The following MGMT variants were observed in gnomAD, a reference collection of about 807,000 sequenced individuals.
The protein encoded by MGMT is O-6-methylguanine-DNA methyltransferase, also known as methylated-DNA--protein-cysteine methyltransferase.
A neutral mutation model predicts 15.9 loss-of-function variants in MGMT; 14 were observed. That is an observed-to-expected ratio of 0.88 (90% confidence interval 0.58 to 1.37). MGMT has a LOEUF of 1.37. MGMT is among the 40% of genes most tolerant of loss of function. MGMT has a pLI of 0.00. For missense variants in MGMT, 282 were observed against 268.1 expected (o/e 1.05, Z -0.36); for synonymous variants, 130 against 118.2 (o/e 1.10, Z -0.65).
chr10:129,538,486 G>A (rs903273297), intron 2 of MGMT, among the ~76,000 whole-genome samples: 1 of 152,204 alleles, frequency 6.6e-6, no homozygotes, highest in Non-Finnish European at 1.5e-5. Context: ...ACTTGGTGGT[G>A]TCAGTTTTTC....
chr10:129,603,341 A>G (rs1324343029), intron 2 of MGMT, among the ~76,000 whole-genome samples: 2 of 152,248 alleles, frequency 1.3e-5, no homozygotes, highest in African/African-American at 4.8e-5. Context: ...ATGATTAGCA[A>G]GTGAGATTCC....
intron 2 of MGMT, among the ~76,000 whole-genome samples, chr10:129,627,327 G>A (rs1297395247): frequency 6.6e-6 from 1 of 152,090 alleles, no homozygotes; most frequent in Non-Finnish European, 1.5e-5. Flanking sequence ...GAGAGACTAG[G>A]ATTTCTGGAA....
intron 1 of MGMT, among the ~76,000 whole-genome samples, chr10:129,525,622 C>A (rs765264876): frequency 6.6e-6 from 1 of 152,064 alleles, no homozygotes; most frequent in Admixed American, 6.5e-5. Context: ...AGGTGCTGTG[C>A]GGTGCGGGGC....
chr10:129,636,875 A>G (rs1238645041), intron 2 of MGMT, among the ~76,000 whole-genome samples: 5 of 152,258 alleles, frequency 3.3e-5, no homozygotes, highest in Non-Finnish European at 7.3e-5. Context: ...TTTAGATTTT[A>G]AACTCATTAA....
chr10:129,570,153 T>G (rs558031386), intron 2 of MGMT, among the ~76,000 whole-genome samples: 10 of 152,372 alleles, frequency 6.6e-5, no homozygotes, highest in Middle Eastern at 3.4e-3. Context: ...ACACTGACAT[T>G]GGTCTTATTC....
At chr10:129,538,170 CAT>C (rs1220024964) in intron 2 of MGMT, among the ~76,000 whole-genome samples, 2 of 152,156 alleles carry the variant, frequency 1.3e-5, no homozygotes, top group African/African-American at 4.8e-5. Context: ...GTAAAAATTA[CAT>C]AGAAGTCAGA....
At chr10:129,501,003 GGTAAA>G (rs1229234389) in intron 1 of MGMT, among the ~76,000 whole-genome samples, 1 of 152,206 alleles carries the variant, frequency 6.6e-6, no homozygotes, top group African/African-American at 2.4e-5. Context: ...GACTTGTAGA[GGTAAA>G]GTAAAGCCAA....
chr10:129,495,889 A>G (rs1317887302), intron 1 of MGMT, among the ~76,000 whole-genome samples: 1 of 152,160 alleles, frequency 6.6e-6, no homozygotes, highest in South Asian at 2.1e-4. Context: ...CAGAGCATTC[A>G]CAGGCCAGAG....
rs756598334 is a variant in MGMT, at chr10:129,766,989, C to G, written c.616C>G (p.Arg206Gly). 1.3e-6 allele frequency: 2 copies of G among 1,598,698 alleles called. No homozygotes were observed. Among genetic ancestry groups the G allele is most frequent in the Admixed American group, 3.4e-5 (2 of 58,418 alleles). Reference sequence around the variant, plus strand: ...TACCTCGGGCTCCCCGCCTGCTGGCCGAAACTGAGTATGTGCAGTAGGATG... The same window carrying G: ...TACCTCGGGCTCCCCGCCTGCTGGCGGAAACTGAGTATGTGCAGTAGGATG... ...GATSGSPPAG[R>G]N The change falls in exon 5 of 5, where the codon CGA (arginine) becomes GGA (glycine). Residue 206 changes from arginine to glycine, a missense_variant. By Grantham distance (125) the Arg-to-Gly change is moderately radical. Transcript: ENST00000651593.
At chr10:129,662,794 G>T (rs1376214808) in intron 2 of MGMT, among the ~76,000 whole-genome samples, 1 of 152,082 alleles carries the variant, frequency 6.6e-6, no homozygotes, top group African/African-American at 2.4e-5. Context: ...ATTAGACCAA[G>T]CAGAAATCAG....
intron 3 of MGMT, among the ~76,000 whole-genome samples, chr10:129,708,259 C>T (rs1349197180): frequency 6.6e-6 from 1 of 152,154 alleles, no homozygotes; most frequent in Admixed American, 6.5e-5. Flanking sequence ...TAATTCTTGG[C>T]AAAGGCAATA....
chr10:129,762,598 C>T (rs1191984036), intron 4 of MGMT, among the ~76,000 whole-genome samples: 1 of 152,152 alleles, frequency 6.6e-6, no homozygotes, highest in African/African-American at 2.4e-5. Flanking sequence ...CGACCCACCC[C>T]CTCCACAAAG....
intron 1 of MGMT, among the ~76,000 whole-genome samples, chr10:129,487,978 T>TACACACAC (rs1491522681): frequency 8.2e-5 from 1 of 12,228 alleles, no homozygotes; most frequent in African/African-American, 3.0e-4. Context: ...TATACGCAGG[T>TACACACAC]ATACACACAC....
chr10:129,714,714 A>T (rs1335941118), intron 3 of MGMT, among the ~76,000 whole-genome samples: 1 of 152,154 alleles, frequency 6.6e-6, no homozygotes, highest in Non-Finnish European at 1.5e-5. Flanking sequence ...TAAGCCTAAC[A>T]TTCCTAATTT....
intron 1 of MGMT, among the ~76,000 whole-genome samples, chr10:129,468,395 A>G (rs974635583): frequency 6.6e-6 from 1 of 152,180 alleles, no homozygotes; most frequent in African/African-American, 2.4e-5. Context: ...ATACTTGCCC[A>G]GACCCGGAGT....
chr10:129,553,899 C>T (rs1023600637), intron 2 of MGMT, among the ~76,000 whole-genome samples: 4 of 152,190 alleles, frequency 2.6e-5, no homozygotes, highest in Non-Finnish European at 5.9e-5. Context: ...GTGTGAGAAG[C>T]GTAGGCCTAC....
At chr10:129,724,813 T>G (rs2133157464) in intron 3 of MGMT, among the ~76,000 whole-genome samples, 1 of 152,332 alleles carries the variant, frequency 6.6e-6, no homozygotes, top group East Asian at 1.9e-4. Flanking sequence ...CATAATATGT[T>G]GGAGGAAAAT....
chr10:129,537,692 G>A (rs936414161), intron 2 of MGMT, among the ~76,000 whole-genome samples: 5 of 152,274 alleles, frequency 3.3e-5, no homozygotes, highest in East Asian at 3.9e-4. Context: ...GGATGAAGAC[G>A]CTTAATTTTG....
chr10:129,605,925 G>C lies in MGMT; in HGVS notation c.125+69548G>C, dbSNP rs563899123. Among the ~76,000 whole-genome samples, 6 of 152,112 alleles carry C rather than the reference G, an allele frequency of 3.9e-5. No individual in the cohort carries two copies. In the South Asian group the frequency reaches 1.2e-3, roughly 32 times the overall value. On this transcript the variant is annotated intron_variant, in intron 2 of 4. Transcript: ENST00000651593. ...CATTTACAAATAAAGAGGGACATGA[G>C]TTATTTATGCTCCAATGTTGCTGCA...
Sources: allele counts gnomAD v4.1 joint callset (sites outside exome capture counted in the v4.1 genomes callset), GRCh38; gene constraint gnomAD v4.1.1; transcripts MANE v1.5; gene names NCBI Gene and HGNC (gene_info 2026-07-23, HGNC 2026-07-21).